LRRC8C: variants seen among roughly 807,000 people sequenced by gnomAD.
LRRC8C encodes volume-regulated anion channel subunit LRRC8C.
LRRC8C carries 20 observed loss-of-function variants against 55.3 expected under a neutral mutation model. The ratio of observed to expected loss-of-function variants is 0.36; its 90% confidence interval spans 0.25 to 0.53. LRRC8C has a LOEUF of 0.53. LRRC8C is among the 20% of genes least tolerant of loss of function. LRRC8C has a pLI of 0.92. For synonymous variants in LRRC8C, 376 were observed against 360.7 expected (o/e 1.04, Z -0.48); for missense variants, 659 against 951.4 (o/e 0.69, Z 4.04).
chr1:89,623,784 A>T, the LRRC8C span, among the ~76,000 whole-genome samples: 1 of 152,230 alleles, frequency 6.6e-6, no homozygotes, highest in Non-Finnish European at 1.5e-5. Context: ...AATATTCATT[A>T]GGCCAGGAAT....
intron 2 of LRRC8C, among the ~76,000 whole-genome samples, chr1:89,703,532 A>G (rs1244211679): frequency 1.3e-5 from 2 of 150,558 alleles, no homozygotes; most frequent in Non-Finnish European, 1.5e-5. Flanking sequence ...AACAAACACA[A>G]TCAAGTACAG....
chr1:89,689,002 G>A (rs1055631913), intron 2 of LRRC8C, among the ~76,000 whole-genome samples: 1 of 151,738 alleles, frequency 6.6e-6, no homozygotes, highest in African/African-American at 2.4e-5. Context: ...CACTTTCCTT[G>A]CACTGGAGAT....
intron 1 of LRRC8C, among the ~76,000 whole-genome samples, chr1:89,643,174 C>T (rs6689976): frequency 0.015 from 2,281 of 152,326 alleles, 59 homozygotes; most frequent in African/African-American, 0.053. Context: ...TCACTACAAC[C>T]TCTACCTCTG....
At chr1:89,674,206 A>AT (rs1657494335) in intron 1 of LRRC8C, among the ~76,000 whole-genome samples, 1 of 152,166 alleles carries the variant, frequency 6.6e-6, no homozygotes. Context: ...AATGATTCAT[A>AT]TTTTCCGAGA....
intron 1 of LRRC8C, among the ~76,000 whole-genome samples, chr1:89,674,761 A>G (rs996425452): frequency 6.6e-6 from 1 of 152,190 alleles, no homozygotes; most frequent in Non-Finnish European, 1.5e-5. Context: ...TTTTTCTGCA[A>G]TTATCAAACT....
chr1:89,642,448 C>T (rs1194481514), intron 1 of LRRC8C, among the ~76,000 whole-genome samples: 3 of 152,216 alleles, frequency 2.0e-5, no homozygotes, highest in Non-Finnish European at 4.4e-5. Flanking sequence ...GGTGCAGTGG[C>T]TCCTGCCTGT....
chr1:89,666,563 T>C (rs140339103), intron 1 of LRRC8C, among the ~76,000 whole-genome samples: 1 of 152,286 alleles, frequency 6.6e-6, no homozygotes, highest in East Asian at 1.9e-4. Flanking sequence ...GGTGGCCTCT[T>C]TGACTTCTTT....
intron 1 of LRRC8C, among the ~76,000 whole-genome samples, chr1:89,634,743 A>T (rs1047210019): frequency 6.6e-6 from 1 of 152,258 alleles, no homozygotes; most frequent in African/African-American, 2.4e-5. Context: ...GTAAACAAAC[A>T]TTAAATGTAT....
intron 2 of LRRC8C, among the ~76,000 whole-genome samples, chr1:89,700,898 A>T (rs987406887): frequency 1.3e-5 from 2 of 152,242 alleles, no homozygotes; most frequent in Admixed American, 1.3e-4. Flanking sequence ...CTACATCTGG[A>T]TCACAAGTTA....
rs1475678183 is a variant in LRRC8C, at chr1:89,718,267, T to TA, written c.*3286dup. 1 of 152,152 alleles carries TA rather than the reference T, an allele frequency of 6.6e-6. No individual in the cohort carries two copies. Among genetic ancestry groups the TA allele is most frequent in the African/African-American group, 2.4e-5 (1 of 41,444 alleles). The allele number at this position is 152,152 out of a possible 1,614,324, so 9.4% of individuals were successfully genotyped here. On this transcript the variant is annotated 3_prime_UTR_variant, in exon 3 of 3. Coordinates refer to ENST00000370454, the MANE Select transcript of LRRC8C (RefSeq NM_032270.5). Reference sequence around the variant, plus strand: ...TTTACATTGCATCGTATGCAGTAGGTACTGCTTTTTCAGAAAGACCTGGAA... The same window carrying TA: ...TTTACATTGCATCGTATGCAGTAGGTAACTGCTTTTTCAGAAAGACCTGGAA...
At chr1:89,662,278 C>G (rs987928284) in intron 1 of LRRC8C, among the ~76,000 whole-genome samples, 4 of 152,166 alleles carry the variant, frequency 2.6e-5, no homozygotes, top group African/African-American at 9.7e-5. Context: ...CAAGCTTGTG[C>G]TAGAAGGCCC....
chr1:89,641,653 T>C (rs191789122), intron 1 of LRRC8C, among the ~76,000 whole-genome samples: 135 of 152,334 alleles, frequency 8.9e-4, no homozygotes, highest in African/African-American at 2.7e-3. Flanking sequence ...ATTAGGGTCA[T>C]TGAATTTGTT....
intron 2 of LRRC8C, among the ~76,000 whole-genome samples, chr1:89,695,645 G>A (rs1000064819): frequency 6.6e-6 from 1 of 152,026 alleles, no homozygotes; most frequent in Non-Finnish European, 1.5e-5. Flanking sequence ...TAATAAATAG[G>A]CCATCAACTA....
chr1:89,666,929 A>G (rs1657281651), intron 1 of LRRC8C, among the ~76,000 whole-genome samples: 2 of 152,154 alleles, frequency 1.3e-5, no homozygotes, highest in Admixed American at 1.3e-4. Flanking sequence ...CCCGTATAGT[A>G]CATCTGATAA....
chr1:89,631,241 G>A (rs996822832), upstream of LRRC8C, among the ~76,000 whole-genome samples: 1 of 152,154 alleles, frequency 6.6e-6, no homozygotes, highest in Non-Finnish European at 1.5e-5. Flanking sequence ...ATGATAAGGG[G>A]ATGTGGGTGG....
intron 2 of LRRC8C, among the ~76,000 whole-genome samples, chr1:89,706,768 C>T (rs1293496821): frequency 6.6e-6 from 1 of 152,062 alleles, no homozygotes; most frequent in Non-Finnish European, 1.5e-5. Context: ...GCCTATGCTT[C>T]CCTTGAAACC....
At chr1:89,705,649 T>C (rs1035571185) in intron 2 of LRRC8C, among the ~76,000 whole-genome samples, 2 of 151,614 alleles carry the variant, frequency 1.3e-5, no homozygotes, top group African/African-American at 4.9e-5. Context: ...GGCATGGTGG[T>C]GCAGGCCCGT....
In LRRC8C at chr1:89,714,828, T is replaced by G; in HGVS notation, c.2258T>G (p.Phe753Cys). 1 of 1,614,144 alleles carries G rather than the reference T, an allele frequency of 6.2e-7. No homozygotes were observed. Among genetic ancestry groups the G allele is most frequent in the Non-Finnish European group, 8.5e-7 (1 of 1,180,022 alleles). Residue 753 changes from phenylalanine to cysteine, a missense_variant, in exon 3 of 3, where the codon TTT (phenylalanine) becomes TGT (cysteine). Transcript: ENST00000370454. This position sits in a 1 kb window ranked among gnomAD's most constrained non-coding sequence, Gnocchi z 4.6. ...VLSPKIGNLLFLSYLDVKGNH... is the reference protein window; with the variant it reads ...VLSPKIGNLLCLSYLDVKGNH... ...TCACCGAAAATTGGAAATTTGCTAT[T>G]TCTTTCCTACTTAGATGTAAAAGGT...
Position 89,718,336 on chromosome 1 carries a change from C to G in LRRC8C, c.*3354C>G, listed in dbSNP as rs1285678443. On this transcript the variant is annotated 3_prime_UTR_variant, in exon 3 of 3. Coordinates refer to ENST00000370454, the MANE Select transcript of LRRC8C (RefSeq NM_032270.5). ...ATTTTGTTCAGATGTAGCCATTTAC[C>G]TGGCTCTCAAGTTGTCTTTGTGGAG... 6.6e-6 allele frequency: 1 copy of G among 152,122 alleles called. No individual in the cohort carries two copies. 9.4% of individuals were successfully genotyped at this position (152,122 alleles called of 1,614,324 possible).
Sources: gnomAD v4.1 joint callset for allele counts (sites outside exome capture counted in the v4.1 genomes callset) on GRCh38, gnomAD v4.1.1 for gene constraint, Gnocchi (gnomAD v3.1) non-coding constraint, MANE v1.5 for transcripts, NCBI Gene and HGNC (gene_info 2026-07-23, HGNC 2026-07-21) for gene names.